CATSPERB: variants seen among roughly 807,000 people sequenced by gnomAD.
CATSPERB encodes cation channel sperm-associated auxiliary subunit beta.
Under a neutral mutation model 128.3 loss-of-function variants are expected in CATSPERB, and 93 were observed. The observed-to-expected ratio is 0.72, with a 90% CI of 0.61 to 0.86. The LOEUF (loss-of-function observed/expected upper bound fraction) is 0.86. Among genes scored for constraint, CATSPERB ranks in the 40% least tolerant of loss-of-function variants. The pLI, the probability that CATSPERB is intolerant of heterozygous loss-of-function variation, is 0.00. For synonymous variants in CATSPERB, 381 were observed against 448.8 expected (o/e 0.85, Z 1.91); for missense variants, 1,153 against 1,329.5 (o/e 0.87, Z 2.06).
intron 14 of CATSPERB, among the ~76,000 whole-genome samples, chr14:91,663,796 TATC>T (rs956547003): frequency 1.1e-4 from 17 of 152,140 alleles, no homozygotes; most frequent in Non-Finnish European, 2.2e-4. Flanking sequence ...AAAAAACACA[TATC>T]ATAAACTTTA....
intron 6 of CATSPERB, among the ~76,000 whole-genome samples, chr14:91,707,909 T>C (rs1895762414): frequency 6.6e-6 from 1 of 152,046 alleles, no homozygotes; most frequent in Non-Finnish European, 1.5e-5. Context: ...GCCCAGCCTG[T>C]ATTTCCACAT....
intron 22 of CATSPERB, chr14:91,592,246 T>C (rs747464631): frequency 2.1e-6 from 1 of 479,038 alleles, no homozygotes; most frequent in Non-Finnish European, 3.7e-6. Context: ...CCTCGTGCAG[T>C]TGCATGGGAC....
intron 7 of CATSPERB, among the ~76,000 whole-genome samples, chr14:91,699,947 A>G (rs1315579435): frequency 1.3e-5 from 2 of 150,934 alleles, no homozygotes; most frequent in Admixed American, 6.6e-5. Flanking sequence ...TATTTATTTT[A>G]TTATACTTTA....
rs1286325328 is a variant in CATSPERB, at chr14:91,642,692, C to T, written c.1433-3442G>A. ...TCTCTTTTTTGGTTGTGTCTCTGCC[C>T]GGCTTTGGTATCAGAAGGATGCTGG... On this transcript the variant is annotated intron_variant, in intron 15 of 26. Transcript: ENST00000256343. Among the ~76,000 whole-genome samples, 890 of 130,736 alleles carry T rather than the reference C, an allele frequency of 6.8e-3. 5 individuals are homozygous for T. Among genetic ancestry groups the T allele is most frequent in the Middle Eastern group, 0.031 (8 of 254 alleles). 85.8% of individuals were successfully genotyped at this position (130,736 alleles called of 152,430 possible). A position where few individuals can be genotyped will look rare whatever the true frequency, so the allele number is the denominator to read the frequency against.
intron 18 of CATSPERB, 85 bp from the exon 19 acceptor site, chr14:91,622,022 A>C: frequency 2.3e-6 from 2 of 856,574 alleles, no homozygotes; most frequent in South Asian, 4.2e-5. Flanking sequence ...TAACAAATAC[A>C]CTGTTTGAGT....
chr14:91,672,733 T>C (rs1317327702), intron 13 of CATSPERB, 134 bp downstream of exon 13: 2 of 647,356 alleles, frequency 3.1e-6, no homozygotes, highest in Admixed American at 2.9e-5. Context: ...ATTATTGATT[T>C]TAAATAATTT....
intron 10 of CATSPERB, among the ~76,000 whole-genome samples, chr14:91,688,205 C>G (rs1895407716): frequency 6.6e-6 from 1 of 152,072 alleles, no homozygotes; most frequent in South Asian, 2.1e-4. Context: ...GATGAATAAT[C>G]TCTTGTCTGG....
chr14:91,669,027 A>C (rs796448505), intron 14 of CATSPERB, among the ~76,000 whole-genome samples: 4 of 152,344 alleles, frequency 2.6e-5, no homozygotes, highest in African/African-American at 9.6e-5. Context: ...TGAGTCAATT[A>C]AACCTCTTTT....
intron 5 of CATSPERB, among the ~76,000 whole-genome samples, chr14:91,718,037 G>A (rs929908732): frequency 2.0e-5 from 3 of 152,080 alleles, no homozygotes; most frequent in African/African-American, 4.8e-5. Context: ...TAGAATCAAT[G>A]CTTTTCTAAA....
chr14:91,709,524 C>CAAAAAAAAAAAAAAAAAAAAA (rs71120188), intron 5 of CATSPERB: 1 of 74,636 alleles, frequency 1.3e-5, no homozygotes, highest in East Asian at 3.7e-4. Flanking sequence ...ACTAAAAATA[C>CAAAAAAAAAAAAAAAAAAAAA]AAAAAAAAAA....
In CATSPERB at chr14:91,660,111, C is replaced by G. The variant is rs992477170; in HGVS notation, c.1288-130G>C. Reference sequence around the variant, plus strand: ...TATGCCTACATTCATCTCTCTCTCTCTCTCTCACACACACACACACACACA... The same window carrying G: ...TATGCCTACATTCATCTCTCTCTCTGTCTCTCACACACACACACACACACA... On this transcript the variant is annotated intron_variant, in intron 14 of 26. Coordinates refer to ENST00000256343, the MANE Select transcript of CATSPERB (RefSeq NM_024764.4). 8 of 595,058 alleles carry G rather than the reference C, an allele frequency of 1.3e-5. No homozygotes were observed. The African/African-American group carries it at 1.5e-4, about 11-fold the overall frequency. 36.9% of individuals were successfully genotyped at this position (595,058 alleles called of 1,614,324 possible). A position where few individuals can be genotyped will look rare whatever the true frequency, so the allele number is the denominator to read the frequency against.
chr14:91,669,054 G>A (rs923977328), intron 14 of CATSPERB, among the ~76,000 whole-genome samples: 8 of 152,062 alleles, frequency 5.3e-5, no homozygotes, highest in East Asian at 1.9e-4. Context: ...AAATTACCCC[G>A]TCTCGGACAG....
chr14:91,626,459 A>C (rs2139792642), intron 17 of CATSPERB, among the ~76,000 whole-genome samples: 1 of 132,688 alleles, frequency 7.5e-6, no homozygotes, highest in South Asian at 2.5e-4. Context: ...GAGAGGTGGG[A>C]CTTTTAAGGG....
chr14:91,588,528 A>G (rs142459753), intron 24 of CATSPERB, among the ~76,000 whole-genome samples: 82 of 152,292 alleles, frequency 5.4e-4, no homozygotes, highest in African/African-American at 1.9e-3. Context: ...AAAGTTTTAC[A>G]ATGAGATTAC....
chr14:91,625,196 A>G (rs1482082402), intron 17 of CATSPERB, among the ~76,000 whole-genome samples, 189 bp from the exon 18 acceptor site: 1 of 152,236 alleles, frequency 6.6e-6, no homozygotes, highest in Admixed American at 6.5e-5. Context: ...TTTAACCTCT[A>G]AAATTAGCGA....
Position 91,589,668 on chromosome 14 carries a change from A to G in CATSPERB, c.2822T>C (p.Val941Ala). ...AVAFSDCREK[V>A]PRFKFPITQY... Reference sequence around the variant, plus strand: ...TGTAATTGGAAACTTAAAGCGAGGAACCTAAAATACAAATTCCAAGAATGA... The same window carrying G: ...TGTAATTGGAAACTTAAAGCGAGGAGCCTAAAATACAAATTCCAAGAATGA... Residue 941 changes from valine to alanine, a missense_variant and splice_region_variant, in exon 24 of 27, where the codon GTT becomes GCT. Transcript: ENST00000256343. 6.2e-7 allele frequency: 1 copy of G among 1,611,328 alleles called. No individual in the cohort carries two copies. Among genetic ancestry groups the G allele is most frequent in the South Asian group, 1.1e-5 (1 of 90,278 alleles).
intron 13 of CATSPERB, among the ~76,000 whole-genome samples, chr14:91,672,508 T>C (rs529242444): frequency 6.6e-6 from 1 of 152,332 alleles, no homozygotes; most frequent in South Asian, 2.1e-4. Context: ...TTAAGGACGT[T>C]TGGAAGAAAA....
Position 91,610,584 on chromosome 14 carries a change from G to GAT in CATSPERB, c.2492_2493dup (p.Leu832IlefsTer37). The GAT allele has an allele frequency of 6.2e-7, 1 of 1,613,716 alleles. No homozygotes were observed. The highest frequency in any genetic ancestry group is 1.1e-5 in the South Asian group (1 of 91,054). ...CTAGGAATGTGATGCATAGATCTGA[G>GAT]ATAACTACAGCTGCTTTTCAGTGTT... On this transcript the variant is annotated frameshift_variant, in exon 21 of 27. Coordinates refer to ENST00000256343, the MANE Select transcript of CATSPERB (RefSeq NM_024764.4). LOFTEE classifies it high-confidence loss of function.
chr14:91,600,315 C>G (rs143003579), intron 22 of CATSPERB, among the ~76,000 whole-genome samples: 1,537 of 152,308 alleles, frequency 0.01, 17 homozygotes, highest in Non-Finnish European at 0.014. Context: ...ATTCTAATGA[C>G]TGTGAAGGGA....
Sources: allele counts gnomAD v4.1 joint callset (sites outside exome capture counted in the v4.1 genomes callset), GRCh38; gene constraint gnomAD v4.1.1; transcripts MANE v1.5; gene names NCBI Gene and HGNC (gene_info 2026-07-23, HGNC 2026-07-21).